PPA2: variants seen among roughly 807,000 people sequenced by gnomAD.
The protein encoded by PPA2 is inorganic pyrophosphatase 2, mitochondrial.
Under a neutral mutation model 49.5 loss-of-function variants are expected in PPA2, and 48 were observed. The ratio of observed to expected loss-of-function variants is 0.97; its 90% CI spans 0.77 to 1.23. The LOEUF (loss-of-function observed/expected upper bound fraction) is 1.23, where lower values mean the gene tolerates loss of function less well. Ranked by LOEUF, PPA2 falls within the 50% of genes most tolerant of loss-of-function variation. The pLI is 0.00. For missense variants in PPA2, 429 were observed against 410.1 expected (o/e 1.05, Z -0.40); for synonymous variants, 131 against 139.9 (o/e 0.94, Z 0.45).
At chr4:105,405,381 T>G in intron 7 of PPA2, 2 of 775,396 alleles carry the variant, frequency 2.6e-6, no homozygotes, top group Non-Finnish European at 3.1e-6. Flanking sequence ...ATTAATTTCT[T>G]ATTTAACAAC....
At chr4:105,457,468 AC>A (rs1313083628) in intron 1 of PPA2, among the ~76,000 whole-genome samples, 1 of 152,228 alleles carries the variant, frequency 6.6e-6, no homozygotes, top group African/African-American at 2.4e-5. Context: ...AGGCTGTTTT[AC>A]TTCTGACCTG....
At chr4:105,389,932 C>T (rs1467386405) in intron 9 of PPA2, among the ~76,000 whole-genome samples, 1 of 152,116 alleles carries the variant, frequency 6.6e-6, no homozygotes, top group African/African-American at 2.4e-5. Flanking sequence ...CTGAGGCTAT[C>T]AATACATAAA....
intron 10 of PPA2, among the ~76,000 whole-genome samples, chr4:105,384,226 T>C (rs6533188): frequency 0.12 from 18,536 of 152,256 alleles, 1,184 homozygotes; most frequent in African/African-American, 0.15. Context: ...GAAGAGGCAC[T>C]GGTTTCTCTA....
At chr4:105,466,319 G>A (rs920125284) in intron 1 of PPA2, among the ~76,000 whole-genome samples, 5 of 151,448 alleles carry the variant, frequency 3.3e-5, no homozygotes, top group African/African-American at 9.7e-5. Context: ...ACTGTACTAA[G>A]CATGGTTCTA....
At chr4:105,434,142 T>C (rs1458446295) in intron 6 of PPA2, among the ~76,000 whole-genome samples, 1 of 152,098 alleles carries the variant, frequency 6.6e-6, no homozygotes, top group Non-Finnish European at 1.5e-5. Flanking sequence ...CATTCTAACA[T>C]GGGCATTAAC....
chr4:105,401,572 A>G (rs535523391), intron 7 of PPA2, among the ~76,000 whole-genome samples: 2 of 152,174 alleles, frequency 1.3e-5, no homozygotes, highest in Non-Finnish European at 2.9e-5. Flanking sequence ...GATTAGATAT[A>G]TTTTTTTACA....
chr4:105,446,355 C>T, intron 5 of PPA2, 28 bp downstream of exon 5: 1 of 1,530,114 alleles, frequency 6.5e-7, no homozygotes, highest in Non-Finnish European at 8.8e-7. Flanking sequence ...AAGACAGGAA[C>T]ATTTTACCAT....
intron 6 of PPA2, among the ~76,000 whole-genome samples, chr4:105,425,066 T>C (rs909979471): frequency 6.6e-6 from 1 of 152,158 alleles, no homozygotes; most frequent in African/African-American, 2.4e-5. Flanking sequence ...TCTAGACCTG[T>C]CCTAACAAAG....
chr4:105,394,888 C>A (rs1048760765), intron 9 of PPA2, among the ~76,000 whole-genome samples: 1 of 152,118 alleles, frequency 6.6e-6, no homozygotes. Context: ...CAGACAATCA[C>A]AGACCCCCTC....
intron 1 of PPA2, among the ~76,000 whole-genome samples, chr4:105,466,376 T>C (rs1723301725): frequency 6.6e-6 from 1 of 151,900 alleles, no homozygotes; most frequent in Non-Finnish European, 1.5e-5. Context: ...GAAATCACAT[T>C]CTAGTTGGGG....
In PPA2 at chr4:105,374,594, G is replaced by GTC. The variant is rs532917409; in HGVS notation, c.940-3723_940-3722dup. On this transcript the variant is annotated intron_variant, in intron 10 of 11. Transcript: ENST00000341695. The stretch of plus-strand genomic sequence containing the variant: ...TAATACAACTGCTCTGTACTTAAGT[G>GTC]TCTCTCTCTCAAATAACTCTACCAG... 1.8e-4 allele frequency among the ~76,000 whole-genome samples: 28 copies of GTC among 152,132 alleles called. No individual in the cohort carries two copies. In the East Asian group the frequency reaches 4.4e-3, roughly 24 times the overall value.
At chr4:105,440,622 A>C (rs1316777723) in intron 5 of PPA2, among the ~76,000 whole-genome samples, 1 of 152,158 alleles carries the variant, frequency 6.6e-6, no homozygotes, top group Admixed American at 6.5e-5. Flanking sequence ...GCTCATTTAC[A>C]ATCTGCATGA....
At chr4:105,387,369 T>C (rs1011563201) in intron 9 of PPA2, among the ~76,000 whole-genome samples, 1 of 152,162 alleles carries the variant, frequency 6.6e-6, no homozygotes, top group African/African-American at 2.4e-5. Flanking sequence ...AAATTAACTT[T>C]TTTAAATAGA....
At position 105,437,224 on chromosome 4, in the gene PPA2, T is replaced by A. The variant is rs1724101361; in HGVS notation, c.528+726A>T. ...CACTAATCATCAGAGAAATACAAATTTAAACCACATTGAAAGTTTTTATGT... is the reference window on the plus strand; with the variant it reads ...CACTAATCATCAGAGAAATACAAATATAAACCACATTGAAAGTTTTTATGT... On this transcript the variant is annotated intron_variant, in intron 6 of 11. Transcript: ENST00000341695. Among the ~76,000 whole-genome samples, 5 of 150,606 alleles carry A rather than the reference T, an allele frequency of 3.3e-5. No homozygotes were observed. In the Admixed American group the frequency reaches 3.4e-4, roughly 10 times the overall value.
chr4:105,412,386 G>A (rs1722802344), intron 7 of PPA2, among the ~76,000 whole-genome samples: 1 of 151,662 alleles, frequency 6.6e-6, no homozygotes. Flanking sequence ...AACTGGCTAA[G>A]AAGAAAACCT....
chr4:105,412,970 A>T (rs976432704), intron 7 of PPA2, among the ~76,000 whole-genome samples: 1 of 152,204 alleles, frequency 6.6e-6, no homozygotes, highest in Non-Finnish European at 1.5e-5. Context: ...TGACCCAGAG[A>T]TCCCATTACT....
chr4:105,461,969 TAA>T (rs1290436551), intron 1 of PPA2, among the ~76,000 whole-genome samples: 5 of 152,188 alleles, frequency 3.3e-5, no homozygotes, highest in Non-Finnish European at 7.3e-5. Context: ...AAGAACTCAT[TAA>T]AAGTTTTCCA....
chr4:105,444,419 T>C (rs1238809871), intron 5 of PPA2, among the ~76,000 whole-genome samples: 1 of 152,234 alleles, frequency 6.6e-6, no homozygotes, highest in Admixed American at 6.5e-5. Context: ...GTTTTAAAAA[T>C]ATCAATTTGG....
intron 3 of PPA2, among the ~76,000 whole-genome samples, chr4:105,450,025 C>T (rs901856650): frequency 1.1e-4 from 17 of 152,116 alleles, no homozygotes; most frequent in Non-Finnish European, 5.9e-5. Context: ...AAGTTACAAA[C>T]TCACTATGGC....
Sources: gnomAD v4.1 joint callset for allele counts (sites outside exome capture counted in the v4.1 genomes callset) on GRCh38, gnomAD v4.1.1 for gene constraint, MANE v1.5 for transcripts, NCBI Gene and HGNC (gene_info 2026-07-23, HGNC 2026-07-21) for gene names.